AFF1: variants seen among roughly 807,000 people sequenced by gnomAD.
AFF1 encodes the protein AF4/FMR2 family member 1.
AFF1 carries 48 observed loss-of-function variants against 121.7 expected under a neutral mutation model. That is an observed-to-expected ratio of 0.39 (90% CI 0.31 to 0.50). The LOEUF is 0.50. Ranked by LOEUF, AFF1 falls within the 20% of genes least tolerant of loss-of-function variation. The probability of loss-of-function intolerance (pLI) is 0.76; values close to 1 mark genes in which losing one functional copy is unlikely to be tolerated. For missense variants in AFF1, 1,523 were observed against 1,511.7 expected (o/e 1.01, Z -0.12); for synonymous variants, 613 against 563.0 (o/e 1.09, Z -1.26).
chr4:87,117,530 C>T (rs1187202661), intron 12 of AFF1, among the ~76,000 whole-genome samples: 2 of 152,184 alleles, frequency 1.3e-5, no homozygotes, highest in South Asian at 2.1e-4. Flanking sequence ...ATCCTAGTGC[C>T]TATCAGGGCT....
chr4:86,995,702 T>A (rs1216399655), intron 2 of AFF1, among the ~76,000 whole-genome samples: 1 of 151,744 alleles, frequency 6.6e-6, no homozygotes, highest in Non-Finnish European at 1.5e-5. Flanking sequence ...CCTCCCAAAG[T>A]GCCGAGATTG....
At chr4:87,130,445 G>T (rs1728723072) in intron 16 of AFF1, among the ~76,000 whole-genome samples, 1 of 152,212 alleles carries the variant, frequency 6.6e-6, no homozygotes, top group Non-Finnish European at 1.5e-5. Flanking sequence ...GAAGCGTGCT[G>T]TGTGACAAAG....
At chr4:86,951,233 T>C (rs926693003) in intron 2 of AFF1, among the ~76,000 whole-genome samples, 19 of 152,200 alleles carry the variant, frequency 1.2e-4, no homozygotes, top group Non-Finnish European at 2.5e-4. Flanking sequence ...AACTTCCCAA[T>C]TGGTGTGCCA....
intron 8 of AFF1, among the ~76,000 whole-genome samples, chr4:87,103,700 T>G (rs1278232353): frequency 1.3e-5 from 2 of 152,238 alleles, no homozygotes; most frequent in East Asian, 3.8e-4. Context: ...CTTTCTGACT[T>G]ACTTTAGGAG....
At chr4:87,075,592 C>T (rs911298153) in intron 4 of AFF1, among the ~76,000 whole-genome samples, 3 of 152,136 alleles carry the variant, frequency 2.0e-5, no homozygotes, top group Non-Finnish European at 4.4e-5. Flanking sequence ...CCCAACCTGA[C>T]GTTCTGATGT....
intron 8 of AFF1, among the ~76,000 whole-genome samples, chr4:87,097,961 CACAT>C (rs2149730045): frequency 6.6e-6 from 1 of 152,194 alleles, no homozygotes; most frequent in Non-Finnish European, 1.5e-5. Context: ...ATTTGAGTGG[CACAT>C]AGAGTGCTGG....
At chr4:87,058,042 C>T (rs1175158119) in intron 4 of AFF1, among the ~76,000 whole-genome samples, 5 of 152,170 alleles carry the variant, frequency 3.3e-5, no homozygotes, top group Admixed American at 2.0e-4. Flanking sequence ...TTGTAGTGCC[C>T]TTTCCCCTTT....
At chr4:86,950,825 G>A (rs1721252216) in intron 2 of AFF1, among the ~76,000 whole-genome samples, 1 of 152,084 alleles carries the variant, frequency 6.6e-6, no homozygotes, top group Non-Finnish European at 1.5e-5. Context: ...CATAATGTTG[G>A]GTTTACACAT....
At chr4:87,050,478 T>G (rs1369183974) in intron 4 of AFF1, among the ~76,000 whole-genome samples, 1 of 152,234 alleles carries the variant, frequency 6.6e-6, no homozygotes, top group Non-Finnish European at 1.5e-5. Context: ...TCTAGCCACC[T>G]AAGTGTGGAT....
intron 2 of AFF1, among the ~76,000 whole-genome samples, chr4:87,042,824 A>C (rs1473158664): frequency 6.6e-6 from 1 of 152,228 alleles, no homozygotes; most frequent in East Asian, 1.9e-4. Flanking sequence ...CTGTGAAAGA[A>C]TGGCTTAATT....
At chr4:87,084,053 C>A in intron 4 of AFF1, 67 bp from the exon 5 acceptor site, 1 of 1,402,700 alleles carries the variant, frequency 7.1e-7, no homozygotes, top group Non-Finnish European at 1.0e-6. Flanking sequence ...TTAATACAGT[C>A]ATCCACCAGT....
chr4:87,000,603 CTCTGTGTGTGTGTGTGTGTG>C (rs1385417536), intron 2 of AFF1, among the ~76,000 whole-genome samples: 2 of 76,758 alleles, frequency 2.6e-5, no homozygotes, highest in African/African-American at 5.2e-5. Flanking sequence ...AAAAAATAAA[CTCTGTGTGTGTGTGTGTGTG>C]TGTGTGTGTG....
At chr4:87,045,503 G>A (rs1450597569) in intron 2 of AFF1, among the ~76,000 whole-genome samples, 3 of 151,914 alleles carry the variant, frequency 2.0e-5, no homozygotes, top group African/African-American at 7.3e-5. Context: ...ATTTTTATGT[G>A]TTTTAAGTAG....
At chr4:87,055,866 A>G (rs914532843) in intron 4 of AFF1, among the ~76,000 whole-genome samples, 7 of 152,240 alleles carry the variant, frequency 4.6e-5, no homozygotes, top group Non-Finnish European at 7.3e-5. Context: ...CCAGTTGCCA[A>G]CAGCAATTTG....
intron 1 of AFF1, among the ~76,000 whole-genome samples, chr4:86,938,888 T>G (rs963694552): frequency 2.0e-5 from 3 of 152,174 alleles, no homozygotes; most frequent in African/African-American, 7.2e-5. Context: ...GGGAAGAAAA[T>G]CAGCTGATTT....
intron 4 of AFF1, among the ~76,000 whole-genome samples, chr4:87,066,204 CA>C (rs1391300201): frequency 6.6e-6 from 1 of 152,202 alleles, no homozygotes; most frequent in Non-Finnish European, 1.5e-5. Flanking sequence ...CAGGTCTCAT[CA>C]AAAGCCTTAG....
rs1281817683 is a variant in AFF1 at position 87,111,012 on chromosome 4, A to AT, written c.1533+2710dup. 3.8e-3 allele frequency among the ~76,000 whole-genome samples: 110 copies of AT among 29,258 alleles called. 24 individuals carry two copies. The highest frequency in any genetic ancestry group is 0.02 in the East Asian group (20 of 986). 19.2% of individuals were successfully genotyped at this position (29,258 alleles called of 152,430 possible). A position where few individuals can be genotyped will look rare whatever the true frequency, so the allele number is the denominator to read the frequency against. ...ACTTAAACTTTATTTTTTTTTTTTTATTTTTTTTTTTTTGAGACGGAGTCT... is the reference window on the plus strand; with the variant it reads ...ACTTAAACTTTATTTTTTTTTTTTTATTTTTTTTTTTTTTGAGACGGAGTCT... On this transcript the variant is annotated intron_variant, in intron 11 of 20. Coordinates refer to ENST00000395146, the MANE Select transcript of AFF1 (RefSeq NM_001166693.3).
intron 12 of AFF1, among the ~76,000 whole-genome samples, chr4:87,122,018 G>A (rs989288571): frequency 6.6e-6 from 1 of 152,324 alleles, no homozygotes; most frequent in East Asian, 1.9e-4. Context: ...TTTTCTTTAA[G>A]AAGTAGCCTT....
chr4:87,102,923 A>G (rs772094616), intron 8 of AFF1, among the ~76,000 whole-genome samples: 38 of 152,320 alleles, frequency 2.5e-4, no homozygotes, highest in Non-Finnish European at 4.4e-4. Flanking sequence ...CTTGGCTTCA[A>G]ATACAGTTTG....
Sources: gnomAD v4.1 joint callset for allele counts (sites outside exome capture counted in the v4.1 genomes callset) on GRCh38, gnomAD v4.1.1 for gene constraint, MANE v1.5 for transcripts, NCBI Gene and HGNC (gene_info 2026-07-23, HGNC 2026-07-21) for gene names.